The following SESTD1 variants were observed in gnomAD, a reference collection of about 807,000 sequenced individuals.
SESTD1 encodes the protein SEC14 and spectrin domain containing 1.
SESTD1 carries 43 observed loss-of-function variants against 101.7 expected under a neutral mutation model. The observed-to-expected ratio is 0.42, with a 90% CI of 0.33 to 0.55. The LOEUF is 0.55. Among genes scored for constraint, SESTD1 ranks in the 20% least tolerant of loss-of-function variants. The probability of loss-of-function intolerance (pLI) is 0.07; values close to 1 mark genes in which losing one functional copy is unlikely to be tolerated. For missense variants in SESTD1, 647 were observed against 815.1 expected, an observed-to-expected ratio of 0.79 and a Z score of 2.51; for synonymous variants, 283 against 286.8, an observed-to-expected ratio of 0.99 and a Z score of 0.13.
chr2:179,177,668 G>A (rs2046034735), intron 3 of SESTD1, among the ~76,000 whole-genome samples: 1 of 152,170 alleles, frequency 6.6e-6, no homozygotes. Context: ...CACTGAAGCT[G>A]AGCTTCCAAA....
At chr2:179,151,636 A>G (rs2045533284) in intron 5 of SESTD1, among the ~76,000 whole-genome samples, 1 of 152,198 alleles carries the variant, frequency 6.6e-6, no homozygotes, top group African/African-American at 2.4e-5. Flanking sequence ...TTCAGATGAA[A>G]TATTTTCAAA....
intron 1 of SESTD1, among the ~76,000 whole-genome samples, chr2:179,197,617 G>A (rs1574028523): frequency 6.6e-6 from 1 of 152,346 alleles, no homozygotes; most frequent in East Asian, 1.9e-4. Flanking sequence ...TCTCTCTGCA[G>A]AAACTCTACA....
intron 1 of SESTD1, among the ~76,000 whole-genome samples, chr2:179,250,500 G>A (rs561439888): frequency 6.6e-6 from 1 of 152,184 alleles, no homozygotes; most frequent in African/African-American, 2.4e-5. Context: ...AGAAGTCCAC[G>A]ATTAAGGTGT....
intron 1 of SESTD1, among the ~76,000 whole-genome samples, 179 bp from the exon 2 acceptor site, chr2:179,192,045 GTC>G (rs1207792787): frequency 1.3e-5 from 2 of 152,024 alleles, no homozygotes; most frequent in South Asian, 2.1e-4. Flanking sequence ...AGCATCCCTG[GTC>G]TCTCTCTACT....
rs1309419515 is a variant in SESTD1, at chr2:179,204,801, AAC to A, written c.-25-12937_-25-12936del. ...CAAATAAAACCTAAGAATTATAAAAAACAGTTTTGACCTCAGGGACTCCTGAA... is the reference window on the plus strand; with the variant it reads ...CAAATAAAACCTAAGAATTATAAAAAAGTTTTGACCTCAGGGACTCCTGAA... On this transcript the variant is annotated intron_variant, in intron 1 of 17. Transcript: ENST00000428443. Among the ~76,000 whole-genome samples, 2 of 134,592 alleles carry A rather than the reference AAC, an allele frequency of 1.5e-5. 1 individual carries two copies. The highest frequency in any genetic ancestry group is 3.2e-5 in the Non-Finnish European group (2 of 62,654). 88.3% of individuals were successfully genotyped at this position (134,592 alleles called of 152,430 possible). A position where few individuals can be genotyped will look rare whatever the true frequency, so the allele number is the denominator to read the frequency against.
At chr2:179,149,742 C>G (rs2045478261) in intron 6 of SESTD1, among the ~76,000 whole-genome samples, 1 of 152,144 alleles carries the variant, frequency 6.6e-6, no homozygotes, top group Non-Finnish European at 1.5e-5. Context: ...ATAACAGTTA[C>G]AGAACACTTC....
intron 1 of SESTD1, among the ~76,000 whole-genome samples, chr2:179,258,989 C>T (rs563741403): frequency 6.6e-6 from 1 of 152,246 alleles, no homozygotes; most frequent in African/African-American, 2.4e-5. Flanking sequence ...AGTAGGTTCC[C>T]CCCTTGGTAT....
chr2:179,164,031 TGTGC>T (rs1559123042), intron 5 of SESTD1, among the ~76,000 whole-genome samples: 1 of 152,214 alleles, frequency 6.6e-6, no homozygotes, highest in Non-Finnish European at 1.5e-5. Flanking sequence ...TTGCTAAGAA[TGTGC>T]GTGCAAGATC....
At chr2:179,127,954 T>C (rs2044914760) in intron 10 of SESTD1, among the ~76,000 whole-genome samples, 1 of 152,178 alleles carries the variant, frequency 6.6e-6, no homozygotes, top group Non-Finnish European at 1.5e-5. Flanking sequence ...TCTAAATAAA[T>C]AGGCTTAACT....
At position 179,107,549 on chromosome 2, in the gene SESTD1, GAT is replaced by G. The variant is rs1416137985; in HGVS notation, c.*2348_*2349del. 1.3e-5 allele frequency: 2 copies of G among 151,992 alleles called. No individual in the cohort carries two copies. Among genetic ancestry groups the G allele is most frequent in the African/African-American group, 4.8e-5 (2 of 41,400 alleles). The allele number at this position is 151,992 out of a possible 1,614,324, so 9.4% of individuals were successfully genotyped here. A position where few individuals can be genotyped will look rare whatever the true frequency, so the allele number is the denominator to read the frequency against. On this transcript the variant is annotated 3_prime_UTR_variant, in exon 18 of 18. Transcript: ENST00000428443. ...TCAGAAGAAACAGATATTGAGTATT[GAT>G]ATTTAGTTATTGAGTATAACTAAAT...
intron 2 of SESTD1, among the ~76,000 whole-genome samples, chr2:179,189,620 G>C (rs1026849067): frequency 6.6e-6 from 1 of 152,066 alleles, no homozygotes; most frequent in Non-Finnish European, 1.5e-5. Flanking sequence ...AGAAAAAGGA[G>C]GAGTCAAATT....
In SESTD1 at chr2:179,146,442, G is replaced by T; in HGVS notation, c.597C>A (p.Asn199Lys). Residue 199 changes from asparagine to lysine, a missense_variant, in exon 8 of 18, where the codon AAC (asparagine) becomes AAA (lysine). Asn to Lys is a moderately conservative substitution (Grantham distance 94). Coordinates refer to ENST00000428443, the MANE Select transcript of SESTD1 (RefSeq NM_178123.5). ...TTTCAGGATCAACCGATGGAAGAAAGTTTAAATCCACAGACCTGGAAAACA... is the reference window on the plus strand; with the variant it reads ...TTTCAGGATCAACCGATGGAAGAAATTTTAAATCCACAGACCTGGAAAACA... ...QQEKERSVDL[N>K]FLPSVDPETV... The T allele has an allele frequency of 6.2e-7, 1 of 1,613,146 alleles. No homozygotes were observed. Among genetic ancestry groups the T allele is most frequent in the Non-Finnish European group, 8.5e-7 (1 of 1,179,664 alleles).
At chr2:179,124,660 T>C in intron 10 of SESTD1, 102 bp from the exon 11 acceptor site, 2 of 1,040,252 alleles carry the variant, frequency 1.9e-6, no homozygotes, top group East Asian at 2.6e-5. Context: ...ACATGATTTT[T>C]TTTTTCTAAG....
chr2:179,177,238 C>T (rs2046027090), intron 3 of SESTD1, among the ~76,000 whole-genome samples: 1 of 152,174 alleles, frequency 6.6e-6, no homozygotes, highest in East Asian at 1.9e-4. Flanking sequence ...AACGCAACAA[C>T]TTCTGGAGGG....
At chr2:179,128,737 AAAAAG>A (rs1172735696) in intron 10 of SESTD1, among the ~76,000 whole-genome samples, 3 of 151,828 alleles carry the variant, frequency 2.0e-5, no homozygotes, top group Non-Finnish European at 2.9e-5. Flanking sequence ...CAAAAAAAAA[AAAAAG>A]AAAAGAAAAA....
chr2:179,227,036 T>C (rs559443738), intron 1 of SESTD1, among the ~76,000 whole-genome samples: 3 of 152,320 alleles, frequency 2.0e-5, no homozygotes, highest in African/African-American at 7.2e-5. Flanking sequence ...GGACATTTAC[T>C]GAAATATTCT....
At chr2:179,121,280 T>C (rs1310832307) in intron 13 of SESTD1, among the ~76,000 whole-genome samples, 2 of 152,150 alleles carry the variant, frequency 1.3e-5, no homozygotes, top group Non-Finnish European at 2.9e-5. Context: ...AAAGAATCTT[T>C]TGAATTCCTA....
intron 5 of SESTD1, among the ~76,000 whole-genome samples, chr2:179,163,522 A>T (rs1172231149): frequency 1.3e-5 from 2 of 151,312 alleles, no homozygotes; most frequent in African/African-American, 4.8e-5. Flanking sequence ...GAAATCTAAT[A>T]ATCAGCATAA....
intron 9 of SESTD1, among the ~76,000 whole-genome samples, chr2:179,133,673 T>A (rs1231048011): frequency 6.6e-6 from 1 of 152,186 alleles, no homozygotes; most frequent in Non-Finnish European, 1.5e-5. Flanking sequence ...CAGCATAATA[T>A]TATAGACCCA....
Sources: allele counts gnomAD v4.1 joint callset (sites outside exome capture counted in the v4.1 genomes callset), GRCh38; gene constraint gnomAD v4.1.1; transcripts MANE v1.5; gene names NCBI Gene and HGNC (gene_info 2026-07-23, HGNC 2026-07-21).